ADA2: variants seen among roughly 807,000 people sequenced by gnomAD.
ADA2 encodes adenosine deaminase 2.
Under a neutral mutation model 44.2 loss-of-function variants are expected in ADA2, and 29 were observed. The ratio of observed to expected loss-of-function variants is 0.66; its 90% CI spans 0.49 to 0.89. ADA2 has a LOEUF of 0.89. ADA2 is among the 40% of genes least tolerant of loss of function. The pLI, the probability that ADA2 is intolerant of heterozygous loss-of-function variation, is 0.00. For missense variants in ADA2, 637 were observed against 644.8 expected, an observed-to-expected ratio of 0.99 and a Z score of 0.13; for synonymous variants, 215 against 234.9, an observed-to-expected ratio of 0.92 and a Z score of 0.77.
At chr22:17,209,259 T>C (rs1269372725) in intron 2 of ADA2, 97 bp downstream of exon 2, 10 of 1,016,542 alleles carry the variant, frequency 9.8e-6, no homozygotes, top group Non-Finnish European at 1.5e-5. Context: ...CTTTCTCTGC[T>C]CCATCTAGAA....
At chr22:17,192,842 G>C in intron 4 of ADA2, 2 of 380,128 alleles carry the variant, frequency 5.3e-6, no homozygotes, top group South Asian at 4.1e-5. Context: ...AAAAAAAAAG[G>C]GGGGGCCCTC....
At chr22:17,195,502 C>G (rs2062178743) in intron 4 of ADA2, among the ~76,000 whole-genome samples, 1 of 151,102 alleles carries the variant, frequency 6.6e-6, no homozygotes, top group Admixed American at 6.6e-5. Context: ...GCACTCCAGC[C>G]TGGGCGACAG....
chr22:17,182,456 A>T, intron 8 of ADA2, 148 bp downstream of exon 8: 1 of 837,012 alleles, frequency 1.2e-6, no homozygotes, highest in Non-Finnish European at 1.9e-6. Context: ...GCCCCTCCTG[A>T]ATAACTTTAC....
Position 17,190,045 on chromosome 22 carries a change from C to G in ADA2, c.882-13G>C, listed in dbSNP as rs752411661. On this transcript the variant is annotated splice_polypyrimidine_tract_variant and intron_variant, in intron 5 of 9. Coordinates refer to ENST00000399837, the MANE Select transcript of ADA2 (RefSeq NM_001282225.2). ...CACATCTTTGGATCTGTGAGACAGA[C>G]AGAGAAGCCAGGAGACAGTGCCCAG... The G allele has an allele frequency of 1.3e-6, 2 of 1,598,872 alleles. No individual in the cohort carries two copies. The highest frequency in any genetic ancestry group is 2.2e-5 in the East Asian group (1 of 44,796).
chr22:17,191,065 C>T (rs773302659), intron 5 of ADA2, among the ~76,000 whole-genome samples: 32 of 152,338 alleles, frequency 2.1e-4, no homozygotes, highest in Non-Finnish European at 4.1e-4. Context: ...CTTGCAGCTG[C>T]GACCATGGAC....
intron 2 of ADA2, among the ~76,000 whole-genome samples, 182 bp from the exon 3 acceptor site, chr22:17,207,472 G>A (rs1008711335): frequency 1.3e-5 from 2 of 152,016 alleles, no homozygotes; most frequent in African/African-American, 4.8e-5. Flanking sequence ...TCCCATCCCA[G>A]GGCTCCGGGG....
intron 4 of ADA2, among the ~76,000 whole-genome samples, chr22:17,197,713 C>T (rs796215817): frequency 5.9e-5 from 9 of 152,300 alleles, no homozygotes; most frequent in African/African-American, 2.2e-4. Context: ...TGAGGTAGGT[C>T]TCATTTTACA....
At chr22:17,194,213 T>G (rs1453799612) in intron 4 of ADA2, among the ~76,000 whole-genome samples, 1 of 151,944 alleles carries the variant, frequency 6.6e-6, no homozygotes, top group Non-Finnish European at 1.5e-5. Flanking sequence ...AGAGCTGCAG[T>G]GGGAGCCAGG....
intron 1 of ADA2, among the ~76,000 whole-genome samples, chr22:17,212,736 C>A (rs570794317): frequency 6.6e-6 from 1 of 151,572 alleles, no homozygotes; most frequent in East Asian, 1.9e-4. Context: ...AATACGTATA[C>A]GAATAAATGC....
At chr22:17,205,401 A>G (rs1243825663) in intron 3 of ADA2, among the ~76,000 whole-genome samples, 1 of 152,154 alleles carries the variant, frequency 6.6e-6, no homozygotes, top group Non-Finnish European at 1.5e-5. Context: ...GGCATGACCC[A>G]GTGTGCCCGG....
chr22:17,193,748 A>G (rs931852090), intron 4 of ADA2, among the ~76,000 whole-genome samples: 4 of 151,898 alleles, frequency 2.6e-5, no homozygotes, highest in East Asian at 1.9e-4. Context: ...GAGCAATAAT[A>G]TGGAGATGTC....
In ADA2 at chr22:17,191,676, C is replaced by G. The variant is rs1601435948; in HGVS notation, c.881+7G>C. 1 of 1,612,296 alleles carries G rather than the reference C, an allele frequency of 6.2e-7. No homozygotes were observed. Among genetic ancestry groups the G allele is most frequent in the Non-Finnish European group, 8.5e-7 (1 of 1,178,956 alleles). Reference sequence around the variant, plus strand: ...AACCCGAGCTTTTCAGCAATATTCTCTCTCACCTGTGATCCGAATAAATGA... The same window carrying G: ...AACCCGAGCTTTTCAGCAATATTCTGTCTCACCTGTGATCCGAATAAATGA... On this transcript the variant is annotated splice_region_variant and intron_variant, in intron 5 of 9. Coordinates refer to ENST00000399837, the MANE Select transcript of ADA2 (RefSeq NM_001282225.2).
chr22:17,221,690 T>C (rs2079621), upstream of ADA2: 30,131 of 152,036 alleles, frequency 0.2, 3,160 homozygotes, highest in Non-Finnish European at 0.23. Context: ...ACTCAGATCT[T>C]GAGGTGGAAG....
At chr22:17,218,474 C>T (rs2062493593) in intron 1 of ADA2, among the ~76,000 whole-genome samples, 1 of 152,106 alleles carries the variant, frequency 6.6e-6, no homozygotes, top group Non-Finnish European at 1.5e-5. Context: ...TGTTTGCCTG[C>T]TACTAAAATC....
intron 4 of ADA2, chr22:17,193,021 G>A: frequency 1.5e-6 from 1 of 665,542 alleles, no homozygotes; most frequent in Non-Finnish European, 2.7e-6. Context: ...AAACCCAGAG[G>A]TATTCACAAC....
At chr22:17,183,453 ACT>A (rs201976097) in intron 7 of ADA2, among the ~76,000 whole-genome samples, 25,683 of 109,768 alleles carry the variant, frequency 0.23, 2,452 homozygotes, top group Middle Eastern at 0.39. Context: ...CTTTTGTGGC[ACT>A]CTTTTTTTTT....
chr22:17,214,814 T>C (rs952092145), intron 1 of ADA2, among the ~76,000 whole-genome samples: 24 of 152,250 alleles, frequency 1.6e-4, no homozygotes, highest in African/African-American at 4.3e-4. Flanking sequence ...GTACTCCTAA[T>C]GGGTATTGCC....
rs34453748 is a variant in ADA2 at position 17,187,166 on chromosome 22, CA to C, written c.1081+1172del. On this transcript the variant is annotated intron_variant, in intron 7 of 9. Transcript: ENST00000399837. ...TGGGCCACAGAGCGAGACTCCATCT[CA>C]AAAAAAAAAAAAAAAAATTTGTTTT... Among the ~76,000 whole-genome samples the C allele has an allele frequency of 1.2e-3, 157 of 127,430 alleles. 1 individual carries two copies. Among genetic ancestry groups the C allele is most frequent in the African/African-American group, 2.8e-3 (93 of 33,084 alleles). 83.6% of individuals were successfully genotyped at this position (127,430 alleles called of 152,430 possible).
At chr22:17,213,714 CAGG>C (rs1356427764) in intron 1 of ADA2, 1 of 244,564 alleles carries the variant, frequency 4.1e-6, no homozygotes, top group African/African-American at 2.3e-5. Flanking sequence ...TGAGAAAATG[CAGG>C]AGAAGCGGCA....
Sources: gnomAD v4.1 joint callset for allele counts (sites outside exome capture counted in the v4.1 genomes callset) on GRCh38, gnomAD v4.1.1 for gene constraint, MANE v1.5 for transcripts, NCBI Gene and HGNC (gene_info 2026-07-23, HGNC 2026-07-21) for gene names.